Variants in RORA observed in about 807,000 individuals in gnomAD.
RORA encodes RAR related orphan receptor A, also known as nuclear receptor ROR-alpha.
A neutral mutation model predicts 69.5 loss-of-function variants in RORA; 7 were observed. The observed-to-expected ratio is 0.10, with a 90% confidence interval of 0.06 to 0.19. RORA has a LOEUF of 0.19. Among genes scored for constraint, RORA ranks in the 10% least tolerant of loss-of-function variants. The probability of loss-of-function intolerance (pLI) is 1.00; values close to 1 mark genes in which losing one functional copy is unlikely to be tolerated. For missense variants in RORA, 457 were observed against 663.0 expected, an observed-to-expected ratio of 0.69 and a Z score of 3.41; for synonymous variants, 261 against 240.8, an observed-to-expected ratio of 1.08 and a Z score of -0.78.
At chr15:60,579,064 G>GT (rs869076097) in intron 2 of RORA, among the ~76,000 whole-genome samples, 2,896 of 129,650 alleles carry the variant, frequency 0.022, 46 homozygotes, top group African/African-American at 0.049. Context: ...ACCGCGCCCG[G>GT]TTTTTTTTTT....
chr15:61,037,315 C>T (rs572189920), intron 1 of RORA, among the ~76,000 whole-genome samples: 40 of 152,272 alleles, frequency 2.6e-4, no homozygotes, highest in African/African-American at 8.9e-4. Context: ...AGAGGAAGTA[C>T]GCTGAAGCAG....
At chr15:60,897,180 CTAGAAGGGGCTAGGAGGGCCAT>C (rs1891252161) in intron 1 of RORA, among the ~76,000 whole-genome samples, 1 of 152,118 alleles carries the variant, frequency 6.6e-6, no homozygotes, top group Admixed American at 6.5e-5. Flanking sequence ...AGAGAAAGCC[CTAGAAGGGGCTAGGAGGGCCAT>C]CTTCTGCCAC....
At chr15:61,167,020 C>T (rs1567019650) in intron 1 of RORA, among the ~76,000 whole-genome samples, 1 of 152,152 alleles carries the variant, frequency 6.6e-6, no homozygotes, top group Non-Finnish European at 1.5e-5. Context: ...GTTGTAGTTG[C>T]CAGATGTCTC....
intron 1 of RORA, among the ~76,000 whole-genome samples, chr15:61,106,380 AT>A (rs2078948807): frequency 6.6e-6 from 1 of 152,216 alleles, no homozygotes; most frequent in Admixed American, 6.5e-5. Flanking sequence ...AGAAAAAGCA[AT>A]CAAAATAATT....
intron 1 of RORA, among the ~76,000 whole-genome samples, chr15:61,014,318 G>A (rs1895203691): frequency 6.6e-6 from 1 of 152,190 alleles, no homozygotes; most frequent in Admixed American, 6.5e-5. Flanking sequence ...AAAATGCCTG[G>A]CACATAGTAG....
At chr15:60,593,936 C>T (rs1036491814) in intron 2 of RORA, among the ~76,000 whole-genome samples, 3 of 152,140 alleles carry the variant, frequency 2.0e-5, no homozygotes, top group Admixed American at 1.3e-4. Flanking sequence ...ACTCCCTCCC[C>T]AGCCCCCTTT....
At chr15:60,775,563 A>G (rs948291120) in intron 1 of RORA, among the ~76,000 whole-genome samples, 1 of 152,178 alleles carries the variant, frequency 6.6e-6, no homozygotes, top group African/African-American at 2.4e-5. Flanking sequence ...CTAAGCTTTA[A>G]GATCTCTTTT....
At chr15:60,995,044 G>A (rs770552985) in intron 1 of RORA, among the ~76,000 whole-genome samples, 7 of 152,050 alleles carry the variant, frequency 4.6e-5, no homozygotes, top group Admixed American at 2.0e-4. Context: ...GGCTCTCGCC[G>A]CATAAAGGAA....
intron 1 of RORA, among the ~76,000 whole-genome samples, chr15:61,071,240 G>A (rs1302423809): frequency 2.2e-4 from 2 of 9,106 alleles, no homozygotes; most frequent in Admixed American, 1.4e-3. Flanking sequence ...AGGGAGGGGA[G>A]GGGAAGGGAA....
At chr15:60,779,376 T>C (rs1320305126) in intron 1 of RORA, among the ~76,000 whole-genome samples, 2 of 152,168 alleles carry the variant, frequency 1.3e-5, no homozygotes, top group Non-Finnish European at 2.9e-5. Flanking sequence ...GGCTCACCAA[T>C]GGTCCATTTA....
chr15:61,015,927 AAC>A (rs761701112), intron 1 of RORA, among the ~76,000 whole-genome samples: 2 of 152,216 alleles, frequency 1.3e-5, no homozygotes, highest in Non-Finnish European at 2.9e-5. Context: ...CAGTATGATG[AAC>A]ACAGTTTACG....
chr15:61,220,520 A>T (rs561303483), intron 1 of RORA, among the ~76,000 whole-genome samples: 1 of 152,356 alleles, frequency 6.6e-6, no homozygotes, highest in Admixed American at 6.5e-5. Flanking sequence ...GGCATCGATC[A>T]TATGGGATGA....
chr15:60,540,504 C>T (rs1311205480), intron 2 of RORA, among the ~76,000 whole-genome samples: 1 of 150,256 alleles, frequency 6.7e-6, no homozygotes, highest in Non-Finnish European at 1.5e-5. Context: ...CCAAATTTCA[C>T]ATAACCCCAC....
At chr15:60,555,237 C>T (rs1268288935) in intron 2 of RORA, among the ~76,000 whole-genome samples, 3 of 152,294 alleles carry the variant, frequency 2.0e-5, no homozygotes. Context: ...TGATTAAATG[C>T]ATTACTCTTA....
chr15:60,737,851 A>G, intron 1 of RORA, among the ~76,000 whole-genome samples: 1 of 152,198 alleles, frequency 6.6e-6, no homozygotes, highest in East Asian at 1.9e-4. Context: ...CTGATTAATA[A>G]ATTTGTCAAG....
At chr15:60,914,809 G>A (rs1382337086) in intron 1 of RORA, among the ~76,000 whole-genome samples, 2 of 152,186 alleles carry the variant, frequency 1.3e-5, no homozygotes, top group East Asian at 1.9e-4. Context: ...CTCAGACATC[G>A]TAAAGTGATT....
rs568540859 is a variant in RORA at position 60,491,122 on chromosome 15, T to C, written c.*6333A>G. Reference sequence around the variant, plus strand: ...TTCAGGAAGATGTATACAGTACATATGGATTTTTTTTGTGAAATCATTTTC... The same window carrying C: ...TTCAGGAAGATGTATACAGTACATACGGATTTTTTTTGTGAAATCATTTTC... On this transcript the variant is annotated 3_prime_UTR_variant, in exon 11 of 11. Coordinates refer to ENST00000335670, the MANE Select transcript of RORA (RefSeq NM_134261.3). The C allele has an allele frequency of 2.6e-5, 4 of 152,310 alleles. No homozygotes were observed. In the East Asian group the frequency reaches 7.7e-4, roughly 29 times the overall value. The allele number at this position is 152,310 out of a possible 1,614,324, so 9.4% of individuals were successfully genotyped here.
At chr15:60,654,772 G>A (rs1046154816) in intron 2 of RORA, among the ~76,000 whole-genome samples, 2 of 152,148 alleles carry the variant, frequency 1.3e-5, no homozygotes, top group Admixed American at 6.6e-5. Context: ...TAGACTGGAC[G>A]ATGCTACGTC....
At chr15:60,554,731 A>G (rs2067311826) in intron 2 of RORA, among the ~76,000 whole-genome samples, 1 of 152,196 alleles carries the variant, frequency 6.6e-6, no homozygotes, top group Admixed American at 6.5e-5. Flanking sequence ...AGAAGCCACT[A>G]GGATCAACAG....
Sources: gnomAD v4.1 joint callset for allele counts (sites outside exome capture counted in the v4.1 genomes callset) on GRCh38, gnomAD v4.1.1 for gene constraint, MANE v1.5 for transcripts, NCBI Gene and HGNC (gene_info 2026-07-23, HGNC 2026-07-21) for gene names.